Variants in DTWD2 observed in about 807,000 individuals in gnomAD.
DTWD2 encodes the protein tRNA-uridine aminocarboxypropyltransferase 2.
In DTWD2, 39 loss-of-function variants were observed where a neutral mutation model predicts 31.8. The observed-to-expected ratio is 1.22, with a 90% CI of 0.95 to 1.60. DTWD2 has a LOEUF of 1.60. Among genes scored for constraint, DTWD2 ranks in the 40% most tolerant of loss-of-function variants. The probability of loss-of-function intolerance (pLI) is 0.00; values close to 1 mark genes in which losing one functional copy is unlikely to be tolerated. For synonymous variants in DTWD2, 180 were observed against 142.8 expected (o/e 1.26, Z -1.86); for missense variants, 515 against 381.5 (o/e 1.35, Z -2.92).
chr5:118,915,599 C>T (rs1753557043), intron 4 of DTWD2, among the ~76,000 whole-genome samples: 1 of 152,144 alleles, frequency 6.6e-6, no homozygotes, highest in Admixed American at 6.5e-5. Flanking sequence ...TGGTCTCGAT[C>T]TCCTGACCTT....
intron 1 of DTWD2, among the ~76,000 whole-genome samples, chr5:118,951,490 CCATTT>C (rs1754464369): frequency 2.0e-5 from 3 of 152,116 alleles, no homozygotes; most frequent in Admixed American, 1.3e-4. Flanking sequence ...GCACCTCAGA[CCATTT>C]GCCCATTTTA....
intron 5 of DTWD2, among the ~76,000 whole-genome samples, chr5:118,846,807 G>C (rs1218985476): frequency 2.0e-5 from 3 of 152,006 alleles, no homozygotes; most frequent in African/African-American, 7.2e-5. Context: ...AGGTGTCTGA[G>C]AACACTCCCT....
intron 4 of DTWD2, among the ~76,000 whole-genome samples, chr5:118,902,980 T>C (rs1753249789): frequency 6.6e-6 from 1 of 152,082 alleles, no homozygotes; most frequent in Non-Finnish European, 1.5e-5. Context: ...ATCTATGTTG[T>C]AGCACATCAT....
chr5:118,979,033 G>A (rs1331960141), intron 1 of DTWD2, among the ~76,000 whole-genome samples: 10 of 151,890 alleles, frequency 6.6e-5, no homozygotes, highest in African/African-American at 9.7e-5. Flanking sequence ...GGCCAGGCGC[G>A]GTGGCTCACG....
At chr5:118,869,855 T>C (rs1752463398) in intron 4 of DTWD2, among the ~76,000 whole-genome samples, 1 of 152,178 alleles carries the variant, frequency 6.6e-6, no homozygotes, top group Admixed American at 6.5e-5. Flanking sequence ...CATGCTCCAA[T>C]GTTGGAGGTG....
chr5:118,836,313 C>T lies in DTWD2; in HGVS notation c.*4604G>A, dbSNP rs1751562095. ...TAGAGTGCAGTGGTACATCTCAGCT[C>T]ACTGCAACCTCTGCCTCCCAGGTTC... On this transcript the variant is annotated 3_prime_UTR_variant, in exon 6 of 6. Coordinates refer to ENST00000510708, the MANE Select transcript of DTWD2 (RefSeq NM_173666.4). Among the ~76,000 whole-genome samples, 1 of 152,152 alleles carries T rather than the reference C, an allele frequency of 6.6e-6. No individual in the cohort carries two copies. The highest frequency in any genetic ancestry group is 1.5e-5 in the Non-Finnish European group (1 of 68,032).
rs148009605 is a variant in DTWD2 at position 118,846,062 on chromosome 5, C to T, written c.726+2028G>A. Among the ~76,000 whole-genome samples the T allele has an allele frequency of 2.8e-4, 42 of 152,144 alleles. No homozygotes were observed. In the East Asian group the frequency reaches 7.5e-3, roughly 27 times the overall value. ...GTTATATCATTTTTTCAAAAAGTTC[C>T]TCATTAGTTAACTTTGAAAGAATTC... On this transcript the variant is annotated intron_variant, in intron 5 of 5. Transcript: ENST00000510708.
rs188854987 is a variant in DTWD2, at chr5:118,975,173, G to C, written c.218+13121C>G. On this transcript the variant is annotated intron_variant, in intron 1 of 5. Coordinates refer to ENST00000510708, the MANE Select transcript of DTWD2 (RefSeq NM_173666.4). The stretch of plus-strand genomic sequence containing the variant: ...CTTTCACGTACACCAATCAAACATA[G>C]GTTTGGTCTTTTCACATAGTCCCAT... Among the ~76,000 whole-genome samples the C allele has an allele frequency of 8.2e-4, 125 of 152,262 alleles. 2 individuals are homozygous for C. Among genetic ancestry groups the C allele is most frequent in the African/African-American group, 2.8e-3 (116 of 41,550 alleles).
chr5:118,956,628 A>G (rs1186994115), intron 1 of DTWD2, among the ~76,000 whole-genome samples: 1 of 152,226 alleles, frequency 6.6e-6, no homozygotes, highest in East Asian at 1.9e-4. Context: ...TTTTTCTCAC[A>G]GTACTGATTT....
Position 118,844,890 on chromosome 5 carries a change from T to C in DTWD2, c.726+3200A>G, listed in dbSNP as rs568601890. On this transcript the variant is annotated intron_variant, in intron 5 of 5. Coordinates refer to ENST00000510708, the MANE Select transcript of DTWD2 (RefSeq NM_173666.4). The stretch of plus-strand genomic sequence containing the variant: ...AGCTCAGACCTGTAATTCCAACATT[T>C]TGGCAGGCGAAGGCAGGTGGATCGC... 2.6e-5 allele frequency among the ~76,000 whole-genome samples: 4 copies of C among 152,276 alleles called. No individual in the cohort carries two copies. The South Asian group carries it at 6.2e-4, about 24-fold the overall frequency.
intron 1 of DTWD2, among the ~76,000 whole-genome samples, chr5:118,945,061 G>A (rs1754301426): frequency 6.6e-6 from 1 of 152,078 alleles, no homozygotes; most frequent in Non-Finnish European, 1.5e-5. Flanking sequence ...TAAAATACTA[G>A]AATATAATTA....
Position 118,926,360 on chromosome 5 carries a change from A to G in DTWD2, c.597+2177T>C, listed in dbSNP as rs560881829. 2.0e-5 allele frequency among the ~76,000 whole-genome samples: 3 copies of G among 152,278 alleles called. No homozygotes were observed. The South Asian group carries it at 6.2e-4, about 32-fold the overall frequency. The stretch of plus-strand genomic sequence containing the variant: ...GTGGGAGCTAAGCTATGAGGATGCA[A>G]AGATGTACATAATAAATTTTGGGGA... On this transcript the variant is annotated intron_variant, in intron 4 of 5. Transcript: ENST00000510708.
intron 4 of DTWD2, among the ~76,000 whole-genome samples, chr5:118,890,623 T>G (rs1752958736): frequency 7.6e-6 from 1 of 130,790 alleles, no homozygotes. Context: ...CAGGCTGGAG[T>G]GCAGTGGCAC....
intron 1 of DTWD2, among the ~76,000 whole-genome samples, chr5:118,978,115 CTT>C (rs34139721): frequency 9.1e-4 from 135 of 147,854 alleles, no homozygotes; most frequent in Admixed American, 1.1e-3. Flanking sequence ...GGATTCCCTG[CTT>C]TTTTTTTTTT....
intron 5 of DTWD2, among the ~76,000 whole-genome samples, chr5:118,845,446 A>C (rs983967111): frequency 6.6e-6 from 1 of 152,242 alleles, no homozygotes; most frequent in Admixed American, 6.5e-5. Flanking sequence ...GGGTTCCCCC[A>C]CTAAGAAAAC....
chr5:118,896,178 C>T (rs1233148996), intron 4 of DTWD2, among the ~76,000 whole-genome samples: 1 of 152,072 alleles, frequency 6.6e-6, no homozygotes, highest in Non-Finnish European at 1.5e-5. Context: ...TTCATAAAGG[C>T]GGCTCCAAGG....
chr5:118,988,186 G>A (rs1755473562), intron 1 of DTWD2, 108 bp downstream of exon 1: 3 of 1,367,776 alleles, frequency 2.2e-6, no homozygotes. Context: ...CAACTCCGCC[G>A]CCCTAATCGC....
chr5:118,847,524 T>C (rs545614148), intron 5 of DTWD2, among the ~76,000 whole-genome samples: 165 of 152,288 alleles, frequency 1.1e-3, no homozygotes, highest in Non-Finnish European at 6.9e-4. Context: ...TTGCTGATGA[T>C]TATTAATTAT....
At chr5:118,973,321 C>G (rs955017117) in intron 1 of DTWD2, among the ~76,000 whole-genome samples, 2 of 151,892 alleles carry the variant, frequency 1.3e-5, no homozygotes, top group Non-Finnish European at 2.9e-5. Flanking sequence ...TTATTTTGCC[C>G]CTTAGTTGAT....
Sources: gnomAD v4.1 joint callset for allele counts (sites outside exome capture counted in the v4.1 genomes callset) on GRCh38, gnomAD v4.1.1 for gene constraint, MANE v1.5 for transcripts, NCBI Gene and HGNC (gene_info 2026-07-23, HGNC 2026-07-21) for gene names.